Variants in SOX5 observed in about 807,000 individuals in gnomAD.
SOX5 encodes the protein transcription factor SOX-5.
A neutral mutation model predicts 92.0 loss-of-function variants in SOX5; 9 were observed. The ratio of observed to expected loss-of-function variants is 0.10; its 90% confidence interval spans 0.06 to 0.17. The LOEUF is 0.17. Ranked by LOEUF, SOX5 falls within the 10% of genes least tolerant of loss-of-function variation. The pLI is 1.00. For missense variants in SOX5, 642 were observed against 944.5 expected (o/e 0.68, Z 4.20); for synonymous variants, 344 against 336.3 (o/e 1.02, Z -0.25).
intron 1 of SOX5, among the ~76,000 whole-genome samples, chr12:24,372,816 G>C (rs970261453): frequency 1.6e-4 from 24 of 151,996 alleles, no homozygotes; most frequent in Non-Finnish European, 4.4e-5. Context: ...TTTAATTGCT[G>C]CTTCTTTAAA....
intron 1 of SOX5, among the ~76,000 whole-genome samples, chr12:24,483,983 C>T (rs1396968548): frequency 6.6e-6 from 1 of 152,058 alleles, no homozygotes; most frequent in Non-Finnish European, 1.5e-5. Context: ...TTTGTATTGT[C>T]CATTACATTC....
chr12:24,446,596 T>C (rs1269614706), intron 1 of SOX5, among the ~76,000 whole-genome samples: 1 of 152,144 alleles, frequency 6.6e-6, no homozygotes, highest in African/African-American at 2.4e-5. Flanking sequence ...CTGATTTGTT[T>C]AGAAAAATCA....
At chr12:23,584,343 T>G (rs916245524) in intron 9 of SOX5, among the ~76,000 whole-genome samples, 1 of 152,132 alleles carries the variant, frequency 6.6e-6, no homozygotes, top group African/African-American at 2.4e-5. Flanking sequence ...CAAAATTCCT[T>G]TTTAAAAATA....
chr12:24,174,131 G>A (rs1954531909), intron 4 of SOX5, among the ~76,000 whole-genome samples: 1 of 152,042 alleles, frequency 6.6e-6, no homozygotes, highest in African/African-American at 2.4e-5. Context: ...CCAGGCAGCT[G>A]GGATTACTAG....
intron 3 of SOX5, among the ~76,000 whole-genome samples, chr12:24,229,174 G>A (rs1007140293): frequency 1.3e-5 from 2 of 152,198 alleles, no homozygotes; most frequent in African/African-American, 2.4e-5. Flanking sequence ...AGGCACCGCC[G>A]AGTTTGTGTG....
intron 4 of SOX5, among the ~76,000 whole-genome samples, chr12:23,749,473 G>T (rs1353140105): frequency 6.6e-6 from 1 of 151,810 alleles, no homozygotes; most frequent in Non-Finnish European, 1.5e-5. Context: ...ATCTAATGTG[G>T]AAAACTTTCC....
chr12:23,672,981 T>A (rs1013375267), intron 6 of SOX5, among the ~76,000 whole-genome samples: 5 of 152,138 alleles, frequency 3.3e-5, no homozygotes, highest in Non-Finnish European at 5.9e-5. Flanking sequence ...TTTCAAAAAA[T>A]GATGACATGT....
Position 24,164,045 on chromosome 12 carries a change from T to C in SOX5, c.-2+49298A>G, listed in dbSNP as rs923243999. On this transcript the variant is annotated intron_variant, in intron 4 of 4. Transcript: ENST00000446891. ...CAGTACTTTATTACAAAAATAATCATATATATTTGCCCATGGAACAAATAA... is the reference window on the plus strand; with the variant it reads ...CAGTACTTTATTACAAAAATAATCACATATATTTGCCCATGGAACAAATAA... Among the ~76,000 whole-genome samples, 3 of 152,290 alleles carry C rather than the reference T, an allele frequency of 2.0e-5. No individual in the cohort carries two copies. The South Asian group carries it at 6.2e-4, about 32-fold the overall frequency.
intron 2 of SOX5, among the ~76,000 whole-genome samples, chr12:24,351,283 A>G (rs1056197226): frequency 9.2e-5 from 14 of 152,214 alleles, no homozygotes; most frequent in South Asian, 2.1e-4. Context: ...GTACTTTATC[A>G]TCTGTACCCC....
chr12:23,924,948 C>A (rs1186564972), intron 1 of SOX5, among the ~76,000 whole-genome samples: 2 of 151,942 alleles, frequency 1.3e-5, no homozygotes, highest in African/African-American at 2.4e-5. Flanking sequence ...TATCTGCTGA[C>A]CTTCCCTCCA....
chr12:23,779,814 T>TATATACACAC (rs777013504), intron 3 of SOX5, among the ~76,000 whole-genome samples: 3,143 of 110,530 alleles, frequency 0.028, 61 homozygotes, highest in Non-Finnish European at 0.043. Flanking sequence ...TATATATATA[T>TATATACACAC]ACACACACAC....
chr12:24,474,208 A>G (rs918014824), intron 1 of SOX5, among the ~76,000 whole-genome samples: 4 of 152,212 alleles, frequency 2.6e-5, no homozygotes, highest in Non-Finnish European at 5.9e-5. Flanking sequence ...ATATTTTGTC[A>G]TATATAAAAC....
intron 2 of SOX5, among the ~76,000 whole-genome samples, chr12:24,280,614 C>T (rs931317029): frequency 9.2e-5 from 14 of 151,970 alleles, no homozygotes; most frequent in African/African-American, 2.9e-4. Context: ...GTGATCAAGC[C>T]ACATTAAAGG....
intron 7 of SOX5, among the ~76,000 whole-genome samples, chr12:23,648,828 G>T (rs2081202977): frequency 6.6e-6 from 1 of 152,134 alleles, no homozygotes; most frequent in Non-Finnish European, 1.5e-5. Context: ...GTGTCTAAGT[G>T]AATTGGGGAA....
At chr12:24,476,862 T>C (rs2137729967) in intron 1 of SOX5, among the ~76,000 whole-genome samples, 1 of 152,046 alleles carries the variant, frequency 6.6e-6, no homozygotes, top group East Asian at 1.9e-4. Context: ...GATTCAGTGA[T>C]TTATAAGAAT....
Position 23,983,121 on chromosome 12 carries a change from T to TTA in SOX5, c.-1-87098_-1-87097insTA, listed in dbSNP as rs1555460690. Among the ~76,000 whole-genome samples, 525 of 146,806 alleles carry TTA rather than the reference T, an allele frequency of 3.6e-3. 5 individuals are homozygous for TTA. The highest frequency in any genetic ancestry group is 0.013 in the African/African-American group (515 of 40,404). On this transcript the variant is annotated intron_variant, in intron 4 of 4. Transcript: ENST00000446891. ...CTGGAGTCCATTTTTTTTTTTTTTTTAAGTAAGCCCTGATACCCATGTCCT... is the reference window on the plus strand; with the variant it reads ...CTGGAGTCCATTTTTTTTTTTTTTTTTAAAGTAAGCCCTGATACCCATGTCCT...
At chr12:24,202,537 T>C (rs1311885382) in intron 4 of SOX5, among the ~76,000 whole-genome samples, 3 of 152,214 alleles carry the variant, frequency 2.0e-5, no homozygotes, top group Non-Finnish European at 2.9e-5. Flanking sequence ...ATATCAACAA[T>C]TGACCCACTA....
At chr12:24,374,873 T>C (rs1468969068) in intron 1 of SOX5, among the ~76,000 whole-genome samples, 1 of 152,210 alleles carries the variant, frequency 6.6e-6, no homozygotes, top group Admixed American at 6.5e-5. Context: ...TAGAGTGAGA[T>C]TTGTGTAGTC....
intron 1 of SOX5, among the ~76,000 whole-genome samples, chr12:23,934,835 G>T (rs1392087954): frequency 6.6e-6 from 1 of 151,166 alleles, no homozygotes; most frequent in Non-Finnish European, 1.5e-5. Flanking sequence ...ACAGATTAAA[G>T]AATTAAGGCA....
Sources: allele counts gnomAD v4.1 joint callset (sites outside exome capture counted in the v4.1 genomes callset), GRCh38; gene constraint gnomAD v4.1.1; transcripts MANE v1.5; gene names NCBI Gene and HGNC (gene_info 2026-07-23, HGNC 2026-07-21).